ZBTB7C: variants seen among roughly 807,000 people sequenced by gnomAD.
ZBTB7C encodes zinc finger and BTB domain-containing protein 7C.
Under a neutral mutation model 25.7 loss-of-function variants are expected in ZBTB7C, and 8 were observed. That is an observed-to-expected ratio of 0.31 (90% CI 0.18 to 0.56). ZBTB7C has a LOEUF of 0.56. Ranked by LOEUF, ZBTB7C falls within the 20% of genes least tolerant of loss-of-function variation. The probability of loss-of-function intolerance (pLI) is 0.91; values close to 1 mark genes in which losing one functional copy is unlikely to be tolerated. For missense variants in ZBTB7C, 824 were observed against 855.2 expected (o/e 0.96, Z 0.46); for synonymous variants, 394 against 369.0 (o/e 1.07, Z -0.78).
At chr18:48,297,135 G>T (rs2144721107) in intron 2 of ZBTB7C, among the ~76,000 whole-genome samples, 1 of 152,276 alleles carries the variant, frequency 6.6e-6, no homozygotes. Context: ...CAGCACATAT[G>T]CCCGCATGTT....
chr18:48,050,043 C>T (rs1354895102), intron 3 of ZBTB7C, among the ~76,000 whole-genome samples: 1 of 152,174 alleles, frequency 6.6e-6, no homozygotes, highest in African/African-American at 2.4e-5. Context: ...AGGTGTGCTG[C>T]ATGGGGTGAG....
chr18:48,074,746 A>G, intron 3 of ZBTB7C, among the ~76,000 whole-genome samples: 1 of 152,208 alleles, frequency 6.6e-6, no homozygotes, highest in East Asian at 1.9e-4. Flanking sequence ...GGTGCTCTCT[A>G]TGGCCGAGCA....
At chr18:48,233,227 G>T (rs1017913990) in intron 2 of ZBTB7C, among the ~76,000 whole-genome samples, 3 of 151,982 alleles carry the variant, frequency 2.0e-5, no homozygotes, top group African/African-American at 4.8e-5. Context: ...TCTCTCGCGC[G>T]CACGCTCTCT....
chr18:48,250,094 C>G (rs1169159555), intron 2 of ZBTB7C, among the ~76,000 whole-genome samples: 1 of 152,194 alleles, frequency 6.6e-6, no homozygotes, highest in Non-Finnish European at 1.5e-5. Context: ...CAGCCACCCT[C>G]TAAAACCCAG....
At chr18:48,394,537 T>G (rs1217748433) in intron 1 of ZBTB7C, among the ~76,000 whole-genome samples, 4 of 152,210 alleles carry the variant, frequency 2.6e-5, no homozygotes, top group Admixed American at 1.3e-4. Context: ...CATAGTACAT[T>G]GCACCATGTG....
At chr18:48,338,785 G>A (rs1171739590) in intron 1 of ZBTB7C, among the ~76,000 whole-genome samples, 1 of 152,158 alleles carries the variant, frequency 6.6e-6, no homozygotes, top group African/African-American at 2.4e-5. Context: ...CCAGGAAAGA[G>A]AAAGGAGATG....
chr18:48,108,317 G>A (rs539231818), intron 3 of ZBTB7C, among the ~76,000 whole-genome samples: 1 of 152,160 alleles, frequency 6.6e-6, no homozygotes, highest in Non-Finnish European at 1.5e-5. Flanking sequence ...TTAAATGAAC[G>A]TGTGGCGAGG....
At chr18:48,254,727 C>G (rs771116613) in intron 2 of ZBTB7C, among the ~76,000 whole-genome samples, 2 of 152,186 alleles carry the variant, frequency 1.3e-5, no homozygotes, top group Non-Finnish European at 2.9e-5. Context: ...CAGCCCATTC[C>G]AAAGCCCTTA....
At chr18:48,116,754 G>A (rs1157364739) in intron 3 of ZBTB7C, among the ~76,000 whole-genome samples, 1 of 152,010 alleles carries the variant, frequency 6.6e-6, no homozygotes, top group Non-Finnish European at 1.5e-5. Context: ...ATCCTCCAAG[G>A]CCCAGTTCAG....
chr18:48,389,226 C>CGTGTGTGTGTGTG, intron 1 of ZBTB7C, among the ~76,000 whole-genome samples: 1 of 110,174 alleles, frequency 9.1e-6, no homozygotes, highest in South Asian at 3.3e-4. Flanking sequence ...CTCTCTCTCT[C>CGTGTGTGTGTGTG]TCTCTCTCTC....
At chr18:48,235,513 T>C (rs1274874089) in intron 2 of ZBTB7C, among the ~76,000 whole-genome samples, 1 of 152,212 alleles carries the variant, frequency 6.6e-6, no homozygotes, top group Non-Finnish European at 1.5e-5. Context: ...TTGGTGTTTT[T>C]GTAAAATTAA....
chr18:48,271,713 G>C (rs2044491761), intron 2 of ZBTB7C, among the ~76,000 whole-genome samples: 1 of 151,788 alleles, frequency 6.6e-6, no homozygotes, highest in South Asian at 2.1e-4. Context: ...AGATTAAGAA[G>C]AACAAATAAA....
At chr18:48,205,698 G>A (rs1488869269) in intron 2 of ZBTB7C, among the ~76,000 whole-genome samples, 1 of 151,984 alleles carries the variant, frequency 6.6e-6, no homozygotes, top group Admixed American at 6.6e-5. Context: ...CAGAATGGCT[G>A]AAATAAAACA....
At chr18:48,097,614 C>A (rs117628944) in intron 3 of ZBTB7C, among the ~76,000 whole-genome samples, 4 of 152,228 alleles carry the variant, frequency 2.6e-5, no homozygotes, top group African/African-American at 7.2e-5. Context: ...CCAGGCTGGT[C>A]TCTGATTCCT....
upstream of ZBTB7C, among the ~76,000 whole-genome samples, chr18:48,409,885 T>A (rs1279292161): frequency 6.6e-6 from 1 of 151,972 alleles, no homozygotes; most frequent in African/African-American, 2.4e-5. Flanking sequence ...TTCTCCGGTC[T>A]CCTGACGCCC....
intron 1 of ZBTB7C, among the ~76,000 whole-genome samples, chr18:48,394,643 A>G (rs535466226): frequency 6.6e-6 from 1 of 152,294 alleles, no homozygotes; most frequent in African/African-American, 2.4e-5. Context: ...GGGTAACGTC[A>G]GGGGTTTGTG....
chr18:48,224,119 A>G lies in ZBTB7C; in HGVS notation c.-78-38124T>C, dbSNP rs779645207. Among the ~76,000 whole-genome samples the G allele has an allele frequency of 2.0e-4, 30 of 152,206 alleles. 1 individual carries two copies. The highest frequency in any genetic ancestry group is 2.9e-5 in the Non-Finnish European group (2 of 68,034). On this transcript the variant is annotated intron_variant, in intron 2 of 4. Coordinates refer to ENST00000590800, the MANE Select transcript of ZBTB7C (RefSeq NM_001318841.2). ...CTACAGGCTTCCTGTACATAAGAAA[A>G]AAAAGAACTTTGAAATTATTTAAGT... is the stretch of plus-strand genomic sequence containing the variant.
chr18:48,192,980 C>A (rs1291845617), intron 2 of ZBTB7C, among the ~76,000 whole-genome samples: 1 of 152,136 alleles, frequency 6.6e-6, no homozygotes, highest in Admixed American at 6.5e-5. Flanking sequence ...AAAAATCAAC[C>A]ATTTCAAAAC....
intron 3 of ZBTB7C, among the ~76,000 whole-genome samples, chr18:48,140,571 T>C (rs930413143): frequency 6.6e-6 from 1 of 152,186 alleles, no homozygotes. Context: ...AGGGGCAGTG[T>C]GGTTTGCTGA....
Sources: allele counts gnomAD v4.1 joint callset (sites outside exome capture counted in the v4.1 genomes callset), GRCh38; gene constraint gnomAD v4.1.1; transcripts MANE v1.5; gene names NCBI Gene and HGNC (gene_info 2026-07-23, HGNC 2026-07-21).